The following NAALADL2 variants were observed in gnomAD, a reference collection of about 807,000 sequenced individuals.
The protein encoded by NAALADL2 is inactive N-acetylated-alpha-linked acidic dipeptidase-like protein 2.
A neutral mutation model predicts 87.2 loss-of-function variants in NAALADL2; 76 were observed. The observed-to-expected ratio is 0.87, with a 90% CI of 0.72 to 1.05. NAALADL2 has a LOEUF of 1.05. NAALADL2 is among the 50% of genes least tolerant of loss of function. The probability of loss-of-function intolerance (pLI) is 0.00; values close to 1 mark genes in which losing one functional copy is unlikely to be tolerated. For missense variants in NAALADL2, 1,089 were observed against 945.8 expected (o/e 1.15, Z -1.99); for synonymous variants, 354 against 331.0 (o/e 1.07, Z -0.75).
intron 2 of NAALADL2, among the ~76,000 whole-genome samples, chr3:174,615,667 CT>C (rs1343645038): frequency 3.3e-5 from 5 of 152,056 alleles, no homozygotes; most frequent in Non-Finnish European, 5.9e-5. Flanking sequence ...GGTATATGAT[CT>C]TTTTCTCTCG....
At chr3:175,004,386 A>G (rs1378543211) in intron 1 of NAALADL2, among the ~76,000 whole-genome samples, 1 of 132,608 alleles carries the variant, frequency 7.5e-6, no homozygotes, top group African/African-American at 3.7e-5. Flanking sequence ...CAAAAAAAAA[A>G]AAAAAAAAAA....
chr3:175,356,252 A>G (rs561580687), intron 5 of NAALADL2, among the ~76,000 whole-genome samples: 2 of 152,218 alleles, frequency 1.3e-5, no homozygotes, highest in East Asian at 3.9e-4. Context: ...AGATAGTAGA[A>G]TTTTAAGGAA....
At chr3:174,727,290 A>AT (rs1226175617) in intron 2 of NAALADL2, among the ~76,000 whole-genome samples, 2 of 151,676 alleles carry the variant, frequency 1.3e-5, no homozygotes, top group Non-Finnish European at 2.9e-5. Flanking sequence ...TAAAAAAAAA[A>AT]ATCATTTTTA....
chr3:174,806,758 C>A (rs1355413019), intron 3 of NAALADL2, among the ~76,000 whole-genome samples: 1 of 152,116 alleles, frequency 6.6e-6, no homozygotes, highest in East Asian at 1.9e-4. Context: ...TTCAGAAAGA[C>A]ATTAGTGTTT....
intron 2 of NAALADL2, among the ~76,000 whole-genome samples, chr3:174,665,764 A>G (rs1046131304): frequency 2.0e-5 from 3 of 152,200 alleles, no homozygotes; most frequent in Non-Finnish European, 4.4e-5. Context: ...GAGGCTACAT[A>G]TCTAAAAGTT....
chr3:175,738,537 G>T (rs190270468), intron 12 of NAALADL2, among the ~76,000 whole-genome samples: 1 of 152,074 alleles, frequency 6.6e-6, no homozygotes, highest in Non-Finnish European at 1.5e-5. Flanking sequence ...ATGAGCCACC[G>T]CACCTGGCCC....
At chr3:175,633,641 T>A (rs995626697) in intron 11 of NAALADL2, among the ~76,000 whole-genome samples, 1 of 151,886 alleles carries the variant, frequency 6.6e-6, no homozygotes, top group Non-Finnish European at 1.5e-5. Context: ...CTCATCTATG[T>A]GGTACCATGG....
intron 4 of NAALADL2, among the ~76,000 whole-genome samples, chr3:175,270,004 T>C (rs755349120): frequency 2.0e-5 from 3 of 152,218 alleles, no homozygotes; most frequent in Non-Finnish European, 2.9e-5. Flanking sequence ...TTTATCATAC[T>C]ATATTTTTCA....
intron 11 of NAALADL2, chr3:175,655,468 T>C: frequency 2.6e-6 from 1 of 379,358 alleles, no homozygotes; most frequent in Non-Finnish European, 5.3e-6. Context: ...TTTGTGTTTT[T>C]CTTCCTAAAT....
intron 3 of NAALADL2, among the ~76,000 whole-genome samples, chr3:174,847,933 C>T (rs938445388): frequency 4.6e-5 from 7 of 151,576 alleles, no homozygotes; most frequent in Non-Finnish European, 8.8e-5. Flanking sequence ...CTCTGTGGAG[C>T]ACATATTTTT....
At chr3:175,551,859 C>A (rs947247475) in intron 9 of NAALADL2, among the ~76,000 whole-genome samples, 1 of 146,540 alleles carries the variant, frequency 6.8e-6, no homozygotes, top group African/African-American at 2.6e-5. Flanking sequence ...GGAGGTGGAG[C>A]TTGCAGTGAG....
At chr3:174,518,863 C>A (rs1373350833) in intron 1 of NAALADL2, among the ~76,000 whole-genome samples, 1 of 152,106 alleles carries the variant, frequency 6.6e-6, no homozygotes, top group African/African-American at 2.4e-5. Flanking sequence ...GCCTGGTCAA[C>A]CTTTTGAGAA....
At chr3:175,285,787 A>G (rs1461436179) in intron 4 of NAALADL2, among the ~76,000 whole-genome samples, 2 of 152,102 alleles carry the variant, frequency 1.3e-5, no homozygotes, top group Non-Finnish European at 2.9e-5. Context: ...TTAACATGTT[A>G]TTATGTGTAT....
chr3:174,837,125 A>T (rs146518596), intron 3 of NAALADL2, among the ~76,000 whole-genome samples: 38 of 152,276 alleles, frequency 2.5e-4, no homozygotes, highest in African/African-American at 8.4e-4. Context: ...CACCCAGCAG[A>T]AGAAAGGAAA....
chr3:174,526,866 G>A lies in NAALADL2; in HGVS notation c.-183-23703G>A, dbSNP rs181472298. The stretch of plus-strand genomic sequence containing the variant: ...TAATTTTTGTATTTTTATTGGAGAC[G>A]GGATTTTACTATGTTGGCCAGGCTG... On this transcript the variant is annotated intron_variant, in intron 1 of 3. Coordinates refer to the NAALADL2 transcript ENST00000434257. Among the ~76,000 whole-genome samples the A allele has an allele frequency of 1.5e-3, 227 of 151,918 alleles. 2 individuals carry two copies. Among genetic ancestry groups the A allele is most frequent in the African/African-American group, 5.0e-3 (207 of 41,462 alleles).
At chr3:175,220,463 T>C (rs1180387121) in intron 2 of NAALADL2, among the ~76,000 whole-genome samples, 3 of 151,984 alleles carry the variant, frequency 2.0e-5, no homozygotes, top group Admixed American at 6.6e-5. Context: ...TTTTCTACTT[T>C]ACAAAATTTT....
intron 10 of NAALADL2, among the ~76,000 whole-genome samples, chr3:175,606,348 C>A (rs1723726949): frequency 2.0e-5 from 3 of 151,066 alleles, no homozygotes; most frequent in Non-Finnish European, 4.4e-5. Flanking sequence ...GTATTGGTTT[C>A]CCTTTTTTGC....
At chr3:175,773,893 TA>T (rs758050858) in intron 13 of NAALADL2, among the ~76,000 whole-genome samples, 13 of 152,076 alleles carry the variant, frequency 8.5e-5, no homozygotes, top group Non-Finnish European at 1.6e-4. Context: ...GCCAACTATA[TA>T]GCCACTCTTC....
intron 1 of NAALADL2, among the ~76,000 whole-genome samples, chr3:174,912,503 A>G (rs1733836826): frequency 6.6e-6 from 1 of 152,150 alleles, no homozygotes; most frequent in Admixed American, 6.5e-5. Flanking sequence ...TAGGTAACCA[A>G]AATGTGGTCA....
Sources: gnomAD v4.1 joint callset for allele counts (sites outside exome capture counted in the v4.1 genomes callset) on GRCh38, gnomAD v4.1.1 for gene constraint, MANE v1.5 for transcripts, NCBI Gene and HGNC (gene_info 2026-07-23, HGNC 2026-07-21) for gene names.